SPOPL: variants seen among roughly 807,000 people sequenced by gnomAD.
SPOPL encodes the protein speckle-type POZ protein-like.
Under a neutral mutation model 53.8 loss-of-function variants are expected in SPOPL, and 23 were observed. That is an observed-to-expected ratio of 0.43 (90% confidence interval 0.31 to 0.61). SPOPL has a LOEUF of 0.61. Among genes scored for constraint, SPOPL ranks in the 20% least tolerant of loss-of-function variants. The probability of loss-of-function intolerance (pLI) is 0.12; values close to 1 mark genes in which losing one functional copy is unlikely to be tolerated. For synonymous variants in SPOPL, 164 were observed against 149.7 expected (o/e 1.10, Z -0.70); for missense variants, 442 against 466.9 (o/e 0.95, Z 0.49).
chr2:138,541,623 TTC>T (rs1466598711), intron 1 of SPOPL, among the ~76,000 whole-genome samples: 11 of 152,228 alleles, frequency 7.2e-5, no homozygotes, highest in Non-Finnish European at 1.5e-5. Context: ...TATTTGATTC[TTC>T]TCTCTTCTTT....
At chr2:138,545,337 G>GCCGTAGT (rs1316935441) in intron 1 of SPOPL, among the ~76,000 whole-genome samples, 2 of 152,140 alleles carry the variant, frequency 1.3e-5, no homozygotes, top group Non-Finnish European at 2.9e-5. Context: ...AGGGGAGGGA[G>GCCGTAGT]CCGTAGTAAG....
At chr2:138,553,818 T>G (rs1287078162) in intron 5 of SPOPL, among the ~76,000 whole-genome samples, 1 of 152,126 alleles carries the variant, frequency 6.6e-6, no homozygotes, top group Non-Finnish European at 1.5e-5. Flanking sequence ...AAAACAGTAT[T>G]TGTTGCTGAT....
chr2:138,568,810 G>T (rs866802837), intron 10 of SPOPL, 126 bp from the exon 11 acceptor site: 1 of 962,118 alleles, frequency 1.0e-6, no homozygotes, highest in East Asian at 2.5e-5. Context: ...AAAAGCAAAT[G>T]ATTTGAATAC....
intron 1 of SPOPL, among the ~76,000 whole-genome samples, chr2:138,522,751 T>A (rs1007895531): frequency 6.6e-6 from 1 of 152,196 alleles, no homozygotes; most frequent in Non-Finnish European, 1.5e-5. Context: ...AAGACACAGC[T>A]GTTTCTATTT....
At chr2:138,547,627 ATTAC>A (rs2104888950) in intron 1 of SPOPL, among the ~76,000 whole-genome samples, 1 of 152,222 alleles carries the variant, frequency 6.6e-6, no homozygotes, top group African/African-American at 2.4e-5. Flanking sequence ...TTTAAAAATA[ATTAC>A]TTATATTTCT....
chr2:138,502,604 CAG>C (rs1182722127), intron 1 of SPOPL, among the ~76,000 whole-genome samples: 1 of 152,146 alleles, frequency 6.6e-6, no homozygotes, highest in Non-Finnish European at 1.5e-5. Context: ...CCATTTTAGG[CAG>C]AGTTCTCAGC....
intron 8 of SPOPL, among the ~76,000 whole-genome samples, 164 bp downstream of exon 8, chr2:138,561,091 T>A (rs1279587855): frequency 1.3e-5 from 2 of 152,162 alleles, no homozygotes; most frequent in Non-Finnish European, 1.5e-5. Flanking sequence ...AATTTTTTTT[T>A]AAAAGTCATG....
intron 1 of SPOPL, among the ~76,000 whole-genome samples, chr2:138,505,192 T>C (rs1684188244): frequency 6.6e-6 from 1 of 152,196 alleles, no homozygotes; most frequent in South Asian, 2.1e-4. Flanking sequence ...AGTTTCCTTC[T>C]CTTTTCATGT....
At chr2:138,541,063 T>C (rs1685061271) in intron 1 of SPOPL, among the ~76,000 whole-genome samples, 1 of 152,220 alleles carries the variant, frequency 6.6e-6, no homozygotes, top group Non-Finnish European at 1.5e-5. Context: ...TTGCATATGT[T>C]GAAGCAGCTT....
At chr2:138,531,422 T>C (rs1034534069) in intron 1 of SPOPL, among the ~76,000 whole-genome samples, 4 of 152,144 alleles carry the variant, frequency 2.6e-5, no homozygotes, top group Non-Finnish European at 5.9e-5. Context: ...ACTGTTGGCA[T>C]GCATTTTAAT....
intron 1 of SPOPL, among the ~76,000 whole-genome samples, chr2:138,521,034 AATG>A (rs1401298919): frequency 6.6e-6 from 1 of 152,216 alleles, no homozygotes; most frequent in Non-Finnish European, 1.5e-5. Context: ...GTTGTTTGCA[AATG>A]ATGATTGTAA....
At chr2:138,556,651 G>A (rs1356407616) in intron 5 of SPOPL, among the ~76,000 whole-genome samples, 1 of 152,086 alleles carries the variant, frequency 6.6e-6, no homozygotes, top group Admixed American at 6.5e-5. Flanking sequence ...CTTTTTTATA[G>A]TTATTAAAAT....
chr2:138,566,859 C>T (rs1685671625), intron 10 of SPOPL, among the ~76,000 whole-genome samples: 1 of 152,154 alleles, frequency 6.6e-6, no homozygotes, highest in Non-Finnish European at 1.5e-5. Context: ...TATGTACAAG[C>T]ACTTGACTAA....
intron 1 of SPOPL, among the ~76,000 whole-genome samples, chr2:138,518,742 T>G (rs985562159): frequency 6.6e-6 from 1 of 152,222 alleles, no homozygotes; most frequent in Non-Finnish European, 1.5e-5. Flanking sequence ...CTACTAGAGA[T>G]AAGCAGTGTG....
chr2:138,507,367 G>C lies in SPOPL; in HGVS notation c.-61+5248G>C, dbSNP rs367736466. ...ACTATTTATCAGACACTGAATGCTA[G>C]ACTTCTAGGTATGGGATTAGAATTC... is the stretch of plus-strand genomic sequence containing the variant. On this transcript the variant is annotated intron_variant, in intron 1 of 10. Transcript: ENST00000280098. 2.6e-4 allele frequency among the ~76,000 whole-genome samples: 40 copies of C among 152,286 alleles called. No homozygotes were observed. The East Asian group carries it at 5.8e-3, about 22-fold the overall frequency.
chr2:138,520,287 A>G (rs1016427411), intron 1 of SPOPL, among the ~76,000 whole-genome samples: 3 of 152,250 alleles, frequency 2.0e-5, no homozygotes, highest in African/African-American at 7.2e-5. Context: ...TTTGTAGGCC[A>G]GTGCTCAAGT....
At chr2:138,532,396 AATTT>A (rs1390489507) in intron 1 of SPOPL, among the ~76,000 whole-genome samples, 2 of 148,616 alleles carry the variant, frequency 1.3e-5, no homozygotes, top group East Asian at 2.0e-4. Context: ...CTGTCAGCCC[AATTT>A]ATTTATTTAT....
intron 1 of SPOPL, among the ~76,000 whole-genome samples, chr2:138,540,932 A>G (rs758848036): frequency 2.6e-5 from 4 of 152,150 alleles, no homozygotes; most frequent in Non-Finnish European, 5.9e-5. Flanking sequence ...TACCTAATTT[A>G]TTGAGAATTT....
chr2:138,564,076 G>A (rs1685607950), intron 8 of SPOPL, among the ~76,000 whole-genome samples: 1 of 152,168 alleles, frequency 6.6e-6, no homozygotes, highest in Non-Finnish European at 1.5e-5. Context: ...GTGATAGAAA[G>A]CATATCAGAG....
Sources: allele counts gnomAD v4.1 joint callset (sites outside exome capture counted in the v4.1 genomes callset), GRCh38; gene constraint gnomAD v4.1.1; transcripts MANE v1.5; gene names NCBI Gene and HGNC (gene_info 2026-07-23, HGNC 2026-07-21).